Variants in MYLK3 observed in about 807,000 individuals in gnomAD.
The protein encoded by MYLK3 is myosin light chain kinase 3.
A neutral mutation model predicts 76.3 loss-of-function variants in MYLK3; 55 were observed. The ratio of observed to expected loss-of-function variants is 0.72; its 90% confidence interval spans 0.58 to 0.90. MYLK3 has a LOEUF of 0.90. MYLK3 is among the 40% of genes least tolerant of loss of function. The pLI, the probability that MYLK3 is intolerant of heterozygous loss-of-function variation, is 0.00. For missense variants in MYLK3, 973 were observed against 1,053.6 expected (o/e 0.92, Z 1.06); for synonymous variants, 416 against 425.4 (o/e 0.98, Z 0.27).
At chr16:46,744,330 C>CTCTT (rs1966984044) in intron 1 of MYLK3, among the ~76,000 whole-genome samples, 1 of 43,688 alleles carries the variant, frequency 2.3e-5, no homozygotes, top group Non-Finnish European at 3.7e-5. Flanking sequence ...CCACACCCAG[C>CTCTT]TTTTTTTTTT....
At chr16:46,762,482 G>C (rs1332674002) in intron 1 of MYLK3, among the ~76,000 whole-genome samples, 1 of 152,156 alleles carries the variant, frequency 6.6e-6, no homozygotes, top group Non-Finnish European at 1.5e-5. Flanking sequence ...ACTCCCGCAG[G>C]ACCCCAGCTG....
At chr16:46,728,967 G>T in intron 7 of MYLK3, 57 bp downstream of exon 7, 3 of 1,291,344 alleles carry the variant, frequency 2.3e-6, no homozygotes, top group African/African-American at 1.5e-5. Context: ...AAGGCTCTAA[G>T]CCCCAGCACT....
intron 1 of MYLK3, among the ~76,000 whole-genome samples, chr16:46,746,502 C>G (rs1297266869): frequency 3.9e-5 from 6 of 152,144 alleles, no homozygotes; most frequent in Admixed American, 3.9e-4. Context: ...CTCACCGAAG[C>G]CTCCATTTCC....
intron 1 of MYLK3, among the ~76,000 whole-genome samples, chr16:46,754,362 T>C (rs1004616119): frequency 6.6e-6 from 1 of 151,202 alleles, no homozygotes; most frequent in Non-Finnish European, 1.5e-5. Flanking sequence ...TCAAAATTCA[T>C]GTCAAAATTT....
chr16:46,717,538 C>G (rs1966755665), intron 9 of MYLK3, among the ~76,000 whole-genome samples: 1 of 149,618 alleles, frequency 6.7e-6, no homozygotes. Flanking sequence ...GTTCCCCCAA[C>G]CAGCCCGCAC....
upstream of MYLK3, among the ~76,000 whole-genome samples, chr16:46,748,936 A>G (rs1281969361): frequency 6.6e-6 from 1 of 152,282 alleles, no homozygotes; most frequent in Non-Finnish European, 1.5e-5. The surrounding 1 kb of genome is among the most constrained non-coding windows in gnomAD (Gnocchi z 4.3). Context: ...CCACCTGCCA[A>G]GCGCTGTCCC....
At chr16:46,714,190 C>T (rs1966713787) in intron 9 of MYLK3, among the ~76,000 whole-genome samples, 1 of 152,100 alleles carries the variant, frequency 6.6e-6, no homozygotes, top group South Asian at 2.1e-4. Context: ...AGATACTATG[C>T]TAAAAGTTTT....
chr16:46,727,175 G>A, intron 8 of MYLK3, 61 bp downstream of exon 8: 1 of 1,567,842 alleles, frequency 6.4e-7, no homozygotes, highest in South Asian at 1.1e-5. Flanking sequence ...TCTCAATGGT[G>A]AGAGCACGCC....
At chr16:46,757,605 T>TGGCC in intron 1 of MYLK3, 1 of 985,368 alleles carries the variant, frequency 1.0e-6, no homozygotes. Context: ...GTGGGCTGGC[T>TGGCC]GGCCAGGATG....
intron 9 of MYLK3, among the ~76,000 whole-genome samples, chr16:46,713,905 G>T (rs778735710): frequency 2.0e-5 from 3 of 152,148 alleles, no homozygotes; most frequent in Non-Finnish European, 4.4e-5. Flanking sequence ...CAAATGACAG[G>T]ATTCCCTTAT....
rs1228977908 is a variant in MYLK3 at position 46,710,666 on chromosome 16, A to C, written c.2238T>G (p.Phe746Leu). ...FEGLSEEAKD[F>L]VSRLLVKEKS... ...TCTCTTTGACCAGCAACCGGGAAAC[A>C]AAGTCCTTGGCCTCCTCCGAGAGCC... The change falls in exon 11 of 13, where the codon TTT becomes TTG. Residue 746 changes from phenylalanine (F) to leucine (L), a missense_variant. This residue lies in a region of MYLK3 where 332 missense variants were observed against 416.6 expected (regional missense o/e 0.80). Coordinates refer to ENST00000394809, the MANE Select transcript of MYLK3 (RefSeq NM_182493.3). 6.2e-7 allele frequency: 1 copy of C among 1,614,192 alleles called. No homozygotes were observed. Among genetic ancestry groups the C allele is most frequent in the South Asian group, 1.1e-5 (1 of 91,078 alleles).
chr16:46,727,939 T>C (rs1966845806), intron 7 of MYLK3, among the ~76,000 whole-genome samples: 1 of 152,194 alleles, frequency 6.6e-6, no homozygotes, highest in Non-Finnish European at 1.5e-5. Context: ...TCAGTGTTGA[T>C]GATCCAGGCA....
At chr16:46,730,729 C>T (rs1278267925) in intron 4 of MYLK3, 31 bp from the exon 5 acceptor site, 2 of 1,596,114 alleles carry the variant, frequency 1.3e-6, no homozygotes, top group Non-Finnish European at 8.6e-7. Flanking sequence ...ACCTGTGAGC[C>T]TCCTCTGTGC....
chr16:46,735,542 G>A (rs1456081654), intron 3 of MYLK3, among the ~76,000 whole-genome samples: 2 of 152,152 alleles, frequency 1.3e-5, no homozygotes, highest in African/African-American at 4.8e-5. Flanking sequence ...AAACAGTGAC[G>A]CCTTTCTCCA....
At chr16:46,738,969 T>G (rs1966889106) in intron 2 of MYLK3, among the ~76,000 whole-genome samples, 1 of 152,132 alleles carries the variant, frequency 6.6e-6, no homozygotes, top group African/African-American at 2.4e-5. Flanking sequence ...GCCTCCTGAG[T>G]AGCTGGGATT....
chr16:46,747,880 GC>G lies in MYLK3; in HGVS notation c.313del (p.Ala105ProfsTer71). 1 of 1,613,958 alleles carries G rather than the reference GC, an allele frequency of 6.2e-7. No homozygotes were observed. The highest frequency in any genetic ancestry group is 8.5e-7 in the Non-Finnish European group (1 of 1,179,956). ...ELVRAMQQDA[A>X]QHGARLEALF... ...GGCCTCCAGCCTGGCACCGTGCTGG[GC>G]CGCATCCTGCTGCATGGCCCTCACC... On this transcript the variant is annotated frameshift_variant, in exon 1 of 13. Coordinates refer to ENST00000394809, the MANE Select transcript of MYLK3 (RefSeq NM_182493.3). LOFTEE classifies it high-confidence loss of function.
intron 3 of MYLK3, among the ~76,000 whole-genome samples, chr16:46,734,563 G>A (rs556721640): frequency 3.3e-5 from 5 of 152,278 alleles, no homozygotes; most frequent in East Asian, 3.9e-4. Context: ...GGAGTTTGCA[G>A]TGAGTTGAGA....
chr16:46,760,841 G>A (rs1322320474), intron 1 of MYLK3, among the ~76,000 whole-genome samples: 1 of 152,180 alleles, frequency 6.6e-6, no homozygotes, highest in Admixed American at 6.5e-5. Context: ...CAGACACCGA[G>A]CAGGGTCTGA....
intron 1 of MYLK3, among the ~76,000 whole-genome samples, chr16:46,757,871 C>T (rs943978456): frequency 1.3e-5 from 2 of 152,212 alleles, no homozygotes; most frequent in African/African-American, 2.4e-5. Flanking sequence ...CAAAACCCCA[C>T]ATCCGGGTGC....
Sources: allele counts gnomAD v4.1 joint callset (sites outside exome capture counted in the v4.1 genomes callset), GRCh38; gene constraint gnomAD v4.1.1; regional missense constraint gnomAD v4.1.1; non-coding constraint Gnocchi (gnomAD v3.1); transcripts MANE v1.5; gene names NCBI Gene and HGNC (gene_info 2026-07-23, HGNC 2026-07-21).